The following DYNC1LI2 variants were observed in gnomAD, a reference collection of about 807,000 sequenced individuals.
DYNC1LI2 encodes cytoplasmic dynein 1 light intermediate chain 2.
DYNC1LI2 carries 19 observed loss-of-function variants against 57.8 expected under a neutral mutation model. That is an observed-to-expected ratio of 0.33 (90% CI 0.23 to 0.48). The LOEUF (loss-of-function observed/expected upper bound fraction) is 0.48, where lower values mean the gene tolerates loss of function less well. Ranked by LOEUF, DYNC1LI2 falls within the 20% of genes least tolerant of loss-of-function variation. DYNC1LI2 has a pLI of 0.99. For missense variants in DYNC1LI2, 470 were observed against 604.2 expected (o/e 0.78, Z 2.33); for synonymous variants, 256 against 233.4 (o/e 1.10, Z -0.88).
chr16:66,747,998 T>C (rs1488137463), intron 3 of DYNC1LI2, among the ~76,000 whole-genome samples: 1 of 152,096 alleles, frequency 6.6e-6, no homozygotes, highest in African/African-American at 2.4e-5. Flanking sequence ...TGAAAAGATC[T>C]AACATAGGCT....
intron 5 of DYNC1LI2, 148 bp downstream of exon 5, chr16:66,735,927 T>A: frequency 1.9e-6 from 2 of 1,046,994 alleles, no homozygotes; most frequent in South Asian, 2.0e-5. Flanking sequence ...GATAATTTTT[T>A]CTGTCTTGAC....
At chr16:66,740,332 A>G (rs973097305) in intron 4 of DYNC1LI2, among the ~76,000 whole-genome samples, 4 of 152,182 alleles carry the variant, frequency 2.6e-5, no homozygotes, top group African/African-American at 4.8e-5. Context: ...CTCCTTCCAT[A>G]TAACATCTAG....
At chr16:66,728,482 ATGGAAAAAGAAGGAAACAGT>A (rs1567448528) in intron 9 of DYNC1LI2, among the ~76,000 whole-genome samples, 1 of 152,194 alleles carries the variant, frequency 6.6e-6, no homozygotes, top group Non-Finnish European at 1.5e-5. Flanking sequence ...AAGGAAAAAG[ATGGAAAAAGAAGGAAACAGT>A]TGGAAAAAGA....
Position 66,751,251 on chromosome 16 carries a change from A to C in DYNC1LI2, c.181+22T>G, listed in dbSNP as rs776005083. The stretch of plus-strand genomic sequence containing the variant: ...TCGCCCACCCCAGCGACCTGGGGCA[A>C]CGCCCCGCCGCCGGCGCTCACCGAA... On this transcript the variant is annotated intron_variant, in intron 2 of 12. Coordinates refer to ENST00000258198, the MANE Select transcript of DYNC1LI2 (RefSeq NM_006141.3). The surrounding 1 kb of genome is among the most constrained non-coding windows in gnomAD (Gnocchi z 5.2). The C allele has an allele frequency of 5.4e-5, 87 of 1,607,970 alleles. No individual in the cohort carries two copies. Among genetic ancestry groups the C allele is most frequent in the Middle Eastern group, 1.7e-4 (1 of 5,838 alleles).
chr16:66,744,172 C>T (rs989518618), intron 3 of DYNC1LI2, among the ~76,000 whole-genome samples: 6 of 151,886 alleles, frequency 4.0e-5, no homozygotes, highest in African/African-American at 1.5e-4. Context: ...CCACTTCAGC[C>T]TTCCAAGTAG....
At chr16:66,746,554 A>T (rs1017051853) in intron 3 of DYNC1LI2, among the ~76,000 whole-genome samples, 3 of 152,200 alleles carry the variant, frequency 2.0e-5, no homozygotes, top group Admixed American at 1.3e-4. Flanking sequence ...AGGTAACTTT[A>T]AAAAAATCTG....
chr16:66,746,518 T>C (rs765596803), intron 3 of DYNC1LI2, among the ~76,000 whole-genome samples: 112 of 152,180 alleles, frequency 7.4e-4, no homozygotes, highest in Admixed American at 4.0e-3. Flanking sequence ...AAAAATCCAA[T>C]AAATGCAGAG....
At chr16:66,726,489 A>T (rs78243713) in intron 11 of DYNC1LI2, among the ~76,000 whole-genome samples, 2,430 of 152,286 alleles carry the variant, frequency 0.016, 57 homozygotes, top group South Asian at 0.095. Context: ...GATTCAAAAT[A>T]CACATTTTAA....
chr16:66,742,724 C>G, intron 3 of DYNC1LI2, 56 bp from the exon 4 acceptor site: 1 of 1,540,316 alleles, frequency 6.5e-7, no homozygotes, highest in South Asian at 1.1e-5. Flanking sequence ...ATCAGCATAG[C>G]TGCAGAAACA....
intron 7 of DYNC1LI2, chr16:66,731,739 G>C (rs567415905): frequency 2.6e-5 from 4 of 152,422 alleles, no homozygotes; most frequent in African/African-American, 9.6e-5. Context: ...ACTGAAGCCT[G>C]AACATCAATC....
chr16:66,730,828 G>C (rs1236096089), intron 7 of DYNC1LI2: 1 of 152,322 alleles, frequency 6.6e-6, no homozygotes, highest in Non-Finnish European at 1.5e-5. Context: ...CAACATCACA[G>C]GGTAGGATGG....
At chr16:66,741,897 CAAAAAAAA>C (rs66527903) in intron 4 of DYNC1LI2, among the ~76,000 whole-genome samples, 15 of 106,814 alleles carry the variant, frequency 1.4e-4, no homozygotes, top group Admixed American at 3.0e-4. Flanking sequence ...ATGTTAATTA[CAAAAAAAA>C]AAAAAAAAAA....
intron 10 of DYNC1LI2, 31 bp downstream of exon 10, chr16:66,728,170 C>A: frequency 6.2e-7 from 1 of 1,613,968 alleles, no homozygotes; most frequent in Non-Finnish European, 8.5e-7. Flanking sequence ...AACACTGGGC[C>A]TTGACCCTCT....
At chr16:66,738,837 T>C (rs2017784809) in intron 4 of DYNC1LI2, 1 of 150,472 alleles carries the variant, frequency 6.6e-6, no homozygotes, top group Non-Finnish European at 1.5e-5. Flanking sequence ...ATCGTGCCAT[T>C]GCACTCTAGG....
chr16:66,738,810 G>A (rs1213983448), intron 4 of DYNC1LI2: 1 of 151,790 alleles, frequency 6.6e-6, no homozygotes, highest in Admixed American at 6.6e-5. Flanking sequence ...AGGAGGTGGA[G>A]GTTGCAGTGA....
intron 2 of DYNC1LI2, among the ~76,000 whole-genome samples, chr16:66,749,800 A>C (rs1341178892): frequency 3.9e-5 from 6 of 152,254 alleles, no homozygotes; most frequent in Admixed American, 6.5e-5. Flanking sequence ...ATTTTAGTAC[A>C]TCTCCTTCAC....
chr16:66,746,045 G>A (rs8050332), intron 3 of DYNC1LI2, among the ~76,000 whole-genome samples: 76,899 of 151,916 alleles, frequency 0.51, 20,332 homozygotes, highest in African/African-American at 0.64. Context: ...TATATTCATG[G>A]CTTTGTGTCA....
In DYNC1LI2 at chr16:66,730,118, C is replaced by T. The variant is rs775336788; in HGVS notation, c.1035G>A (p.Val345=). 10 of 1,613,366 alleles carry T rather than the reference C, an allele frequency of 6.2e-6. No individual in the cohort carries two copies. In the African/African-American group the frequency reaches 1.1e-4, roughly 17 times the overall value. The change falls in exon 8 of 13, where the codon GTG becomes GTA. Residue 345 remains valine, a synonymous_variant. Coordinates refer to ENST00000258198, the MANE Select transcript of DYNC1LI2 (RefSeq NM_006141.3). ...AGCAATTGTCTTTGACTACCTTTCT[C>T]ACGGGAGGTTTCACAATAAAGTCTT... The part of the protein sequence containing the change: ...AYEDFIVKPP[V]RKLVHDKELA...
intron 12 of DYNC1LI2, among the ~76,000 whole-genome samples, chr16:66,724,274 T>C (rs1363875753): frequency 6.6e-6 from 1 of 152,196 alleles, no homozygotes; most frequent in Non-Finnish European, 1.5e-5. Flanking sequence ...ACATTATGTT[T>C]CAATAAGAAT....
Sources: allele counts gnomAD v4.1 joint callset (sites outside exome capture counted in the v4.1 genomes callset), GRCh38; gene constraint gnomAD v4.1.1; non-coding constraint Gnocchi (gnomAD v3.1); transcripts MANE v1.5; gene names NCBI Gene and HGNC (gene_info 2026-07-23, HGNC 2026-07-21).